The following ARL3 variants were observed in gnomAD, a reference collection of about 807,000 sequenced individuals.
ARL3 encodes the protein ARF like GTPase 3.
In ARL3, 9 loss-of-function variants were observed where a neutral mutation model predicts 26.0. The observed-to-expected ratio is 0.35, with a 90% CI of 0.21 to 0.60. ARL3 has a LOEUF of 0.60. Ranked by LOEUF, ARL3 falls within the 20% of genes least tolerant of loss-of-function variation. The probability of loss-of-function intolerance (pLI) is 0.78; values close to 1 mark genes in which losing one functional copy is unlikely to be tolerated. For synonymous variants in ARL3, 71 were observed against 78.4 expected, an observed-to-expected ratio of 0.91 and a Z score of 0.50; for missense variants, 158 against 215.7, an observed-to-expected ratio of 0.73 and a Z score of 1.67.
At chr10:102,691,211 C>T (rs1011230001) in intron 3 of ARL3, among the ~76,000 whole-genome samples, 17 of 151,652 alleles carry the variant, frequency 1.1e-4, no homozygotes, top group South Asian at 2.1e-4. Flanking sequence ...CATGCTGGTG[C>T]GCTGCACCCA....
intron 2 of ARL3, 92 bp downstream of exon 2, chr10:102,705,254 A>G: frequency 7.2e-7 from 1 of 1,396,594 alleles, no homozygotes; most frequent in Admixed American, 2.5e-5. Flanking sequence ...AAAACTTGGA[A>G]GTGGACAAAA....
chr10:102,679,134 G>C (rs1443974060), intron 5 of ARL3, among the ~76,000 whole-genome samples: 1 of 152,214 alleles, frequency 6.6e-6, no homozygotes, highest in Non-Finnish European at 1.5e-5. Flanking sequence ...CTGGGCAGAA[G>C]AGAACTGGGC....
Position 102,686,071 on chromosome 10 carries a change from C to CA in ARL3, c.316-71_316-70insT. On this transcript the variant is annotated intron_variant, in intron 4 of 5. Coordinates refer to ENST00000260746, the MANE Select transcript of ARL3 (RefSeq NM_004311.4). ...ATCTATGATATTTAACCATACACTA[C>CA]TTTTTTTTTTTTTTTTTTGAGACAG... The CA allele has an allele frequency of 3.0e-5, 26 of 875,394 alleles. No individual in the cohort carries two copies. The South Asian group carries it at 4.7e-4, about 16-fold the overall frequency. The allele number at this position is 875,394 out of a possible 1,614,324, so 54.2% of individuals were successfully genotyped here. A position where few individuals can be genotyped will look rare whatever the true frequency, so the allele number is the denominator to read the frequency against.
intron 3 of ARL3, among the ~76,000 whole-genome samples, chr10:102,698,812 C>A (rs1446280627): frequency 1.3e-5 from 2 of 152,164 alleles, no homozygotes; most frequent in African/African-American, 4.8e-5. Context: ...TTATAGGAAA[C>A]TTCTTCCTTA....
intron 1 of ARL3, among the ~76,000 whole-genome samples, chr10:102,712,857 A>G (rs2064352056): frequency 6.6e-6 from 1 of 152,216 alleles, no homozygotes; most frequent in African/African-American, 2.4e-5. Flanking sequence ...TAAATGATTA[A>G]GAAAAAGAAA....
Position 102,676,866 on chromosome 10 carries a change from A to G in ARL3, c.*28T>C. The G allele has an allele frequency of 6.2e-7, 1 of 1,612,960 alleles. No individual in the cohort carries two copies. The highest frequency in any genetic ancestry group is 1.7e-5 in the Admixed American group (1 of 60,014). On this transcript the variant is annotated 3_prime_UTR_variant, in exon 6 of 6. Transcript: ENST00000260746. ...TTTCAGGACCGAATTCGGCTCCCGC[A>G]GCTCCTGCATCTCCATTCGTCTAGA... is the stretch of plus-strand genomic sequence containing the variant.
chr10:102,693,624 G>A (rs753124729), intron 3 of ARL3, among the ~76,000 whole-genome samples: 9 of 152,132 alleles, frequency 5.9e-5, no homozygotes, highest in Non-Finnish European at 1.0e-4. Context: ...CTCCCAGTCT[G>A]TGGTTTGTAT....
At chr10:102,682,740 G>A (rs1450484445) in intron 5 of ARL3, among the ~76,000 whole-genome samples, 4 of 152,162 alleles carry the variant, frequency 2.6e-5, no homozygotes, top group Admixed American at 1.3e-4. Flanking sequence ...AAACATGTAC[G>A]ATGTATGTGT....
In ARL3 at chr10:102,691,422, C is replaced by T. The variant is rs1295967302; in HGVS notation, c.265-1479G>A. Among the ~76,000 whole-genome samples the T allele has an allele frequency of 2.6e-5, 4 of 152,166 alleles. No individual in the cohort carries two copies. The South Asian group carries it at 6.2e-4, about 24-fold the overall frequency. On this transcript the variant is annotated intron_variant, in intron 3 of 5. Transcript: ENST00000260746. ...TTTACTGAGAATGATGATTTCCATA[C>T]AATCTCTTTCACAACTCTTGAACGC...
intron 1 of ARL3, among the ~76,000 whole-genome samples, chr10:102,709,687 T>C (rs1400473762): frequency 6.7e-6 from 1 of 150,104 alleles, no homozygotes; most frequent in Non-Finnish European, 1.5e-5. Context: ...ATAATGTTTA[T>C]TCACCTTAAA....
intron 2 of ARL3, among the ~76,000 whole-genome samples, 180 bp from the exon 3 acceptor site, chr10:102,699,669 T>C (rs2064268584): frequency 6.6e-6 from 1 of 152,220 alleles, no homozygotes; most frequent in South Asian, 2.1e-4. Flanking sequence ...ACATGCTTGT[T>C]TCATCCAGGT....
chr10:102,691,256 A>C, intron 3 of ARL3, among the ~76,000 whole-genome samples: 2 of 144,020 alleles, frequency 1.4e-5, no homozygotes, highest in South Asian at 2.4e-4. Context: ...ATATCTCCCA[A>C]TGCTATCCCT....
chr10:102,713,832 A>G (rs1435145339), intron 1 of ARL3, among the ~76,000 whole-genome samples: 2 of 152,198 alleles, frequency 1.3e-5, no homozygotes, highest in Non-Finnish European at 2.9e-5. Context: ...CTCAGAGCCA[A>G]TGGGGCCGGC....
At chr10:102,711,408 T>G (rs1036251901) in intron 1 of ARL3, among the ~76,000 whole-genome samples, 2 of 151,504 alleles carry the variant, frequency 1.3e-5, no homozygotes, top group African/African-American at 2.4e-5. Context: ...GTGTGTGTGT[T>G]TTTATATATA....
rs960624127 is a variant in ARL3 at position 102,676,618 on chromosome 10, C to A, written c.*276G>T. ...GCAATCTCTTGCTCATTTAAAAGAT[C>A]TCATTTTCTAATCATGTGCTTTGAG... On this transcript the variant is annotated 3_prime_UTR_variant, in exon 6 of 6. Coordinates refer to ENST00000260746, the MANE Select transcript of ARL3 (RefSeq NM_004311.4). The A allele has an allele frequency of 1.1e-5, 3 of 264,006 alleles. No individual in the cohort carries two copies. Among genetic ancestry groups the A allele is most frequent in the Non-Finnish European group, 2.1e-5 (3 of 140,470 alleles). The allele number at this position is 264,006 out of a possible 1,614,324, so 16.4% of individuals were successfully genotyped here. A position where few individuals can be genotyped will look rare whatever the true frequency, so the allele number is the denominator to read the frequency against.
intron 2 of ARL3, among the ~76,000 whole-genome samples, chr10:102,700,024 G>C (rs1387422027): frequency 6.6e-6 from 1 of 152,214 alleles, no homozygotes; most frequent in African/African-American, 2.4e-5. Flanking sequence ...TGCTATGGGG[G>C]AGGCTGGGTT....
At chr10:102,686,613 C>T (rs1181788670) in intron 4 of ARL3, among the ~76,000 whole-genome samples, 1 of 151,654 alleles carries the variant, frequency 6.6e-6, no homozygotes, top group Non-Finnish European at 1.5e-5. Context: ...TGCAGGTGCA[C>T]ACTACCATGC....
intron 1 of ARL3, 50 bp downstream of exon 1, chr10:102,714,223 G>A (rs759591231): frequency 1.5e-6 from 2 of 1,313,278 alleles, no homozygotes; most frequent in Non-Finnish European, 2.0e-6. Flanking sequence ...CCTGGGGACG[G>A]GAGGGGGATA....
chr10:102,703,031 G>A (rs185131529), intron 2 of ARL3, among the ~76,000 whole-genome samples: 17 of 151,926 alleles, frequency 1.1e-4, no homozygotes, highest in African/African-American at 4.1e-4. Flanking sequence ...CTCCCTGTTG[G>A]CTTAGCCAAA....
Sources: gnomAD v4.1 joint callset for allele counts (sites outside exome capture counted in the v4.1 genomes callset) on GRCh38, gnomAD v4.1.1 for gene constraint, MANE v1.5 for transcripts, NCBI Gene and HGNC (gene_info 2026-07-23, HGNC 2026-07-21) for gene names.